The following PSMA1 variants were observed in gnomAD, a reference collection of about 807,000 sequenced individuals.
PSMA1 encodes proteasome 20S subunit alpha 1, also known as proteasome subunit alpha type-1.
A neutral mutation model predicts 38.4 loss-of-function variants in PSMA1; 3 were observed. That is an observed-to-expected ratio of 0.08 (90% CI 0.04 to 0.20). The LOEUF is 0.20. Among genes scored for constraint, PSMA1 ranks in the 10% least tolerant of loss-of-function variants. The pLI is 1.00. For synonymous variants in PSMA1, 101 were observed against 107.1 expected (o/e 0.94, Z 0.35); for missense variants, 227 against 325.3 (o/e 0.70, Z 2.32).
intron 2 of PSMA1, among the ~76,000 whole-genome samples, chr11:14,592,142 C>A (rs991530163): frequency 4.6e-5 from 7 of 152,108 alleles, no homozygotes; most frequent in African/African-American, 7.2e-5. Flanking sequence ...AAACTCTGAA[C>A]ACATCATCTG....
intron 1 of PSMA1, 35 bp from the exon 2 acceptor site, chr11:14,519,076 A>G: frequency 6.8e-7 from 1 of 1,470,464 alleles, no homozygotes; most frequent in Non-Finnish European, 9.4e-7. Flanking sequence ...TGTTAATAGA[A>G]GAACATTTCA....
At chr11:14,611,118 A>T (rs747418669) in exon 2 of PSMA1, 3 of 788,052 alleles carry the variant, frequency 3.8e-6, no homozygotes, top group Non-Finnish European at 6.4e-6. Context: ...CTGAGAGCTG[A>T]CCATGAATAC....
intron 7 of PSMA1, among the ~76,000 whole-genome samples, chr11:14,511,930 T>C (rs932420843): frequency 5.3e-5 from 8 of 152,212 alleles, no homozygotes; most frequent in Non-Finnish European, 1.0e-4. Context: ...AAGATTGATA[T>C]ATAAAAATCA....
At chr11:14,521,764 T>TC (rs1838995333), upstream of PSMA1, among the ~76,000 whole-genome samples, 1 of 62,224 alleles carries the variant, frequency 1.6e-5, no homozygotes, top group African/African-American at 6.2e-5. Context: ...CGACTCCATC[T>TC]CAAAAAAAAA....
chr11:14,517,003 C>T (rs910750081), intron 4 of PSMA1, among the ~76,000 whole-genome samples: 1 of 152,098 alleles, frequency 6.6e-6, no homozygotes, highest in Non-Finnish European at 1.5e-5. Flanking sequence ...GGTATTTAGC[C>T]AAATCTCAGA....
At chr11:14,536,313 G>A (rs976752547) in intron 2 of PSMA1, among the ~76,000 whole-genome samples, 2 of 152,144 alleles carry the variant, frequency 1.3e-5, no homozygotes, top group South Asian at 2.1e-4. Context: ...GATCACCTGC[G>A]GTCAAGAATT....
At chr11:14,549,517 C>G (rs981569936) in intron 2 of PSMA1, among the ~76,000 whole-genome samples, 5 of 151,738 alleles carry the variant, frequency 3.3e-5, no homozygotes, top group African/African-American at 1.2e-4. Context: ...CTGGCTAACA[C>G]GTTGAAACCC....
chr11:14,621,957 C>A (rs1295737941), intron 1 of PSMA1, among the ~76,000 whole-genome samples: 1 of 152,162 alleles, frequency 6.6e-6, no homozygotes, highest in Non-Finnish European at 1.5e-5. Context: ...ATCCTCATAA[C>A]CCTATGAGCT....
intron 1 of PSMA1, among the ~76,000 whole-genome samples, chr11:14,639,475 G>T (rs1022758239): frequency 7.2e-5 from 11 of 152,166 alleles, no homozygotes; most frequent in African/African-American, 2.7e-4. Context: ...AAATTCTGAG[G>T]ACTTGCTGTA....
Position 14,616,395 on chromosome 11 carries a change from C to G in PSMA1, c.-165-5244G>C, listed in dbSNP as rs144416400. On this transcript the variant is annotated intron_variant, in intron 1 of 10. Transcript: ENST00000418988. ...TACAGGCAAGCACTACCATGCCCGG[C>G]TAATTTTTATACTTTTAGTAGGGAT... is the stretch of plus-strand genomic sequence containing the variant. Among the ~76,000 whole-genome samples, 173 of 151,988 alleles carry G rather than the reference C, an allele frequency of 1.1e-3. No individual in the cohort carries two copies. The East Asian group carries it at 0.031, about 27-fold the overall frequency.
At chr11:14,525,246 G>T (rs1851573557), upstream of PSMA1, among the ~76,000 whole-genome samples, 1 of 151,992 alleles carries the variant, frequency 6.6e-6, no homozygotes, top group Non-Finnish European at 1.5e-5. Context: ...CAAATTATCT[G>T]CTTCCCTGAT....
chr11:14,570,483 A>G (rs1023246798), intron 2 of PSMA1, among the ~76,000 whole-genome samples: 1 of 152,198 alleles, frequency 6.6e-6, no homozygotes, highest in African/African-American at 2.4e-5. Flanking sequence ...AATTAGACAA[A>G]TGGCCAACTA....
intron 2 of PSMA1, among the ~76,000 whole-genome samples, chr11:14,539,584 G>C (rs974887716): frequency 6.6e-6 from 1 of 151,932 alleles, no homozygotes; most frequent in African/African-American, 2.4e-5. Context: ...GGTGGCTCAC[G>C]CCTGTAATCC....
At chr11:14,634,256 G>A (rs1296710080) in intron 1 of PSMA1, among the ~76,000 whole-genome samples, 1 of 152,146 alleles carries the variant, frequency 6.6e-6, no homozygotes. Context: ...GGTTGGGACT[G>A]CTGTTTCTGG....
chr11:14,608,258 G>T (rs1318890998), intron 2 of PSMA1, among the ~76,000 whole-genome samples: 1 of 152,060 alleles, frequency 6.6e-6, no homozygotes, highest in Non-Finnish European at 1.5e-5. Flanking sequence ...GACTGAGGCA[G>T]GAGGATCTCT....
At chr11:14,530,151 C>T (rs112190068) in intron 2 of PSMA1, among the ~76,000 whole-genome samples, 1 of 152,026 alleles carries the variant, frequency 6.6e-6, no homozygotes. Flanking sequence ...GCCCTACCCC[C>T]CTGCTAGGTG....
intron 2 of PSMA1, among the ~76,000 whole-genome samples, chr11:14,533,948 A>G (rs894756235): frequency 6.6e-6 from 1 of 152,114 alleles, no homozygotes; most frequent in Non-Finnish European, 1.5e-5. Context: ...TGGGAGGCTG[A>G]GGAGGGTGGA....
At chr11:14,606,220 C>T (rs1280282255) in intron 2 of PSMA1, among the ~76,000 whole-genome samples, 1 of 152,146 alleles carries the variant, frequency 6.6e-6, no homozygotes, top group Non-Finnish European at 1.5e-5. Context: ...ATTCTCTCTT[C>T]TGTTCCATTG....
chr11:14,629,030 T>C (rs1852960734), intron 1 of PSMA1, among the ~76,000 whole-genome samples: 2 of 151,402 alleles, frequency 1.3e-5, no homozygotes, highest in South Asian at 4.2e-4. Context: ...TTTTTTCTTG[T>C]AAATTTGTTT....
Sources: gnomAD v4.1 joint callset for allele counts (sites outside exome capture counted in the v4.1 genomes callset) on GRCh38, gnomAD v4.1.1 for gene constraint, MANE v1.5 for transcripts, NCBI Gene and HGNC (gene_info 2026-07-23, HGNC 2026-07-21) for gene names.